The following SDHAF3 variants were observed in gnomAD, a reference collection of about 807,000 sequenced individuals.
SDHAF3 encodes the protein succinate dehydrogenase assembly factor 3, mitochondrial.
SDHAF3 carries 18 observed loss-of-function variants against 11.5 expected under a neutral mutation model. The ratio of observed to expected loss-of-function variants is 1.56; its 90% confidence interval spans 1.08 to 2.32. The LOEUF (loss-of-function observed/expected upper bound fraction) is 2.32, where lower values mean the gene tolerates loss of function less well. SDHAF3 is among the 30% of genes most tolerant of loss of function. The pLI is 0.00. For missense variants in SDHAF3, 200 were observed against 154.4 expected, an observed-to-expected ratio of 1.30 and a Z score of -1.57; for synonymous variants, 72 against 59.3, an observed-to-expected ratio of 1.21 and a Z score of -0.99.
chr7:97,135,939 G>A lies in SDHAF3; in HGVS notation c.174+18042G>A, dbSNP rs185742154. On this transcript the variant is annotated intron_variant, in intron 1 of 1. Coordinates refer to ENST00000432641, the MANE Select transcript of SDHAF3 (RefSeq NM_020186.3). Reference sequence around the variant, plus strand: ...CCTGACCTCGTGATCCGCCCGCCTCGGCCTCCCAAAGTGCTGGGATTACAG... The same window carrying A: ...CCTGACCTCGTGATCCGCCCGCCTCAGCCTCCCAAAGTGCTGGGATTACAG... Among the ~76,000 whole-genome samples the A allele has an allele frequency of 4.3e-3, 658 of 151,756 alleles. 3 individuals are homozygous for A. The highest frequency in any genetic ancestry group is 0.017 in the Middle Eastern group (5 of 294).
chr7:97,178,411 A>G (rs763059636), intron 1 of SDHAF3, among the ~76,000 whole-genome samples: 1 of 152,194 alleles, frequency 6.6e-6, no homozygotes, highest in East Asian at 1.9e-4. Flanking sequence ...GCTGGATCAT[A>G]TGGTAATTCT....
chr7:97,175,448 C>CT (rs1789665773), intron 1 of SDHAF3, among the ~76,000 whole-genome samples: 1 of 152,132 alleles, frequency 6.6e-6, no homozygotes, highest in African/African-American at 2.4e-5. Flanking sequence ...TTGTTCCCCT[C>CT]TTTGTGTTCG....
At chr7:97,148,928 G>GT (rs1230012056) in intron 1 of SDHAF3, among the ~76,000 whole-genome samples, 9 of 144,768 alleles carry the variant, frequency 6.2e-5, no homozygotes, top group East Asian at 2.0e-4. Context: ...GTAGATTTGT[G>GT]TCTTTTTTTT....
At chr7:97,177,079 T>C (rs1488548537) in intron 1 of SDHAF3, among the ~76,000 whole-genome samples, 1 of 152,124 alleles carries the variant, frequency 6.6e-6, no homozygotes, top group East Asian at 1.9e-4. Context: ...AAAAGATTTT[T>C]GCTTTATTTT....
intron 1 of SDHAF3, among the ~76,000 whole-genome samples, chr7:97,168,249 C>T (rs62499476): frequency 0.035 from 5,357 of 152,240 alleles, 156 homozygotes; most frequent in Non-Finnish European, 0.051. Flanking sequence ...AATCCTGCAT[C>T]AATCTTAAGT....
chr7:97,166,411 G>A (rs769439638), intron 1 of SDHAF3, among the ~76,000 whole-genome samples: 1 of 147,758 alleles, frequency 6.8e-6, no homozygotes, highest in Non-Finnish European at 1.5e-5. Context: ...AAGATTTTCT[G>A]ATGGGCAATT....
At chr7:97,172,994 C>G (rs1789626547) in intron 1 of SDHAF3, among the ~76,000 whole-genome samples, 1 of 87,004 alleles carries the variant, frequency 1.1e-5, no homozygotes, top group South Asian at 3.9e-4. Context: ...CTCAGATCAT[C>G]AAGCTCAAAT....
At chr7:97,169,108 T>C (rs1789562532) in intron 1 of SDHAF3, among the ~76,000 whole-genome samples, 1 of 152,162 alleles carries the variant, frequency 6.6e-6, no homozygotes, top group Non-Finnish European at 1.5e-5. Context: ...GACGGATCAC[T>C]TGAGGTCAGG....
At chr7:97,118,158 G>A (rs1339168446) in intron 1 of SDHAF3, among the ~76,000 whole-genome samples, 2 of 152,132 alleles carry the variant, frequency 1.3e-5, no homozygotes, top group Non-Finnish European at 2.9e-5. Context: ...AGGGTAGGAG[G>A]TCACAAAAAT....
chr7:97,146,171 T>G (rs1444514500), intron 1 of SDHAF3, among the ~76,000 whole-genome samples: 1 of 152,084 alleles, frequency 6.6e-6, no homozygotes, highest in Non-Finnish European at 1.5e-5. Flanking sequence ...AGCAAAGAGA[T>G]AACATGACAT....
chr7:97,165,357 CTTTTTTTTTTT>C (rs10653828), intron 1 of SDHAF3, among the ~76,000 whole-genome samples: 1 of 77,024 alleles, frequency 1.3e-5, no homozygotes, highest in Non-Finnish European at 2.4e-5. Flanking sequence ...ATTTTCCTAC[CTTTTTTTTTTT>C]TTTTTTTTTG....
chr7:97,175,985 AT>A (rs1370213249), intron 1 of SDHAF3, among the ~76,000 whole-genome samples: 1 of 152,178 alleles, frequency 6.6e-6, no homozygotes, highest in Non-Finnish European at 1.5e-5. Context: ...CCCTTGAATT[AT>A]GGCCATATCG....
intron 1 of SDHAF3, among the ~76,000 whole-genome samples, chr7:97,144,284 G>C (rs1338438854): frequency 2.6e-5 from 4 of 152,156 alleles, no homozygotes; most frequent in African/African-American, 7.2e-5. Flanking sequence ...ACTCTTGTGT[G>C]TTGTCTGTTT....
In SDHAF3 at chr7:97,140,369, G is replaced by A. The variant is rs1194554210; in HGVS notation, c.174+22472G>A. Among the ~76,000 whole-genome samples, 18 of 99,720 alleles carry A rather than the reference G, an allele frequency of 1.8e-4. No homozygotes were observed. The Admixed American group carries it at 2.4e-3, about 13-fold the overall frequency. The allele number at this position is 99,720 out of a possible 152,430, so 65.4% of individuals were successfully genotyped here. A position where few individuals can be genotyped will look rare whatever the true frequency, so the allele number is the denominator to read the frequency against. On this transcript the variant is annotated intron_variant, in intron 1 of 1. Coordinates refer to ENST00000432641, the MANE Select transcript of SDHAF3 (RefSeq NM_020186.3). ...TTTTTTTTTTTTTTTTTTTTGAGATGGAGTCTCGCTCTGTCACCCAGGCTA... is the reference window on the plus strand; with the variant it reads ...TTTTTTTTTTTTTTTTTTTTGAGATAGAGTCTCGCTCTGTCACCCAGGCTA...
intron 1 of SDHAF3, among the ~76,000 whole-genome samples, chr7:97,123,495 C>G (rs1791530798): frequency 1.3e-5 from 2 of 152,090 alleles, no homozygotes; most frequent in Non-Finnish European, 2.9e-5. Flanking sequence ...ATTTATAATC[C>G]TTTGGGTATA....
chr7:97,159,238 G>C (rs1316243639), intron 1 of SDHAF3, among the ~76,000 whole-genome samples: 1 of 152,238 alleles, frequency 6.6e-6, no homozygotes, highest in Admixed American at 6.5e-5. Context: ...TGTTGAGGCA[G>C]CTCTCCTGGG....
chr7:97,160,189 C>G (rs1446313885), intron 1 of SDHAF3, among the ~76,000 whole-genome samples: 2 of 134,214 alleles, frequency 1.5e-5, no homozygotes, highest in African/African-American at 5.7e-5. Flanking sequence ...CACCCATCGT[C>G]TGGGAAGTGA....
chr7:97,178,459 A>C (rs1186286377), intron 1 of SDHAF3, among the ~76,000 whole-genome samples: 1 of 152,186 alleles, frequency 6.6e-6, no homozygotes, highest in Non-Finnish European at 1.5e-5. Flanking sequence ...TCTTTTCTGC[A>C]GTGGCTATAC....
intron 1 of SDHAF3, among the ~76,000 whole-genome samples, chr7:97,166,716 C>T (rs1789511013): frequency 6.6e-6 from 1 of 151,494 alleles, no homozygotes; most frequent in African/African-American, 2.4e-5. Flanking sequence ...TTAGAATGCC[C>T]TTGGCCAAGA....
Sources: gnomAD v4.1 joint callset for allele counts (sites outside exome capture counted in the v4.1 genomes callset) on GRCh38, gnomAD v4.1.1 for gene constraint, MANE v1.5 for transcripts, NCBI Gene and HGNC (gene_info 2026-07-23, HGNC 2026-07-21) for gene names.